Variants in TENM2 observed in about 807,000 individuals in gnomAD.
TENM2 encodes teneurin transmembrane protein 2, also known as teneurin-2.
In TENM2, 52 loss-of-function variants were observed where a neutral mutation model predicts 245.2. The ratio of observed to expected loss-of-function variants is 0.21; its 90% CI spans 0.17 to 0.27. The LOEUF (loss-of-function observed/expected upper bound fraction) is 0.27. Ranked by LOEUF, TENM2 falls within the 10% of genes least tolerant of loss-of-function variation. TENM2 has a pLI of 1.00. For missense variants in TENM2, 3,046 were observed against 3,666.8 expected (o/e 0.83, Z 4.37); for synonymous variants, 1,363 against 1,438.9 (o/e 0.95, Z 1.19).
At chr5:167,199,097 TAA>T in the TENM2 span, among the ~76,000 whole-genome samples, 36 of 79,310 alleles carry the variant, frequency 4.5e-4, no homozygotes, top group East Asian at 1.1e-3. Context: ...TGATATGAAG[TAA>T]AAAAAAAAAA....
chr5:167,066,093 A>G, the TENM2 span, among the ~76,000 whole-genome samples: 1 of 152,186 alleles, frequency 6.6e-6, no homozygotes, highest in Non-Finnish European at 1.5e-5. Context: ...AGTGCGGGAA[A>G]GAATTCATTT....
At chr5:168,214,989 G>T in intron 20 of TENM2, 51 bp from the exon 23 acceptor site, 5 of 1,519,794 alleles carry the variant, frequency 3.3e-6, no homozygotes, top group Non-Finnish European at 4.6e-6. Context: ...GATCTAGGAG[G>T]CCAGCTCCAT....
intron 9 of TENM2, among the ~76,000 whole-genome samples, chr5:168,111,409 G>C (rs1335051003): frequency 6.6e-6 from 1 of 152,136 alleles, no homozygotes; most frequent in Non-Finnish European, 1.5e-5. Context: ...TAAAGCGTCT[G>C]AGTACTCTGG....
At chr5:167,054,496 T>C in the TENM2 span, among the ~76,000 whole-genome samples, 25 of 152,282 alleles carry the variant, frequency 1.6e-4, no homozygotes, top group African/African-American at 5.5e-4. Flanking sequence ...TAAACATCTG[T>C]GTGCAGATTT....
the TENM2 span, among the ~76,000 whole-genome samples, chr5:167,126,508 G>A: frequency 6.6e-6 from 1 of 152,112 alleles, no homozygotes; most frequent in Non-Finnish European, 1.5e-5. Context: ...CACATGGCAT[G>A]TATTTCCCCG....
chr5:167,859,700 T>A (rs1296095306), intron 2 of TENM2, among the ~76,000 whole-genome samples: 1 of 75,560 alleles, frequency 1.3e-5, no homozygotes, highest in Non-Finnish European at 2.5e-5. Context: ...GGAGCCCCTC[T>A]GCCCGGCCAG....
At chr5:168,117,950 A>G (rs1228681920) in intron 9 of TENM2, among the ~76,000 whole-genome samples, 1 of 152,166 alleles carries the variant, frequency 6.6e-6, no homozygotes, top group Non-Finnish European at 1.5e-5. Flanking sequence ...GTGACTGGAC[A>G]CGTCACTTCC....
At chr5:167,824,848 AC>A (rs1267505818) in intron 2 of TENM2, among the ~76,000 whole-genome samples, 1 of 152,202 alleles carries the variant, frequency 6.6e-6, no homozygotes, top group Non-Finnish European at 1.5e-5. Flanking sequence ...AATGCTGGCT[AC>A]CCCTGTGTGA....
At chr5:167,523,412 AT>A (rs1473509344) in intron 2 of TENM2, among the ~76,000 whole-genome samples, 2 of 152,240 alleles carry the variant, frequency 1.3e-5, no homozygotes, top group East Asian at 3.9e-4. Context: ...GGATCTTCCC[AT>A]TTTAAAGCAA....
At chr5:167,968,190 G>A (rs1781518454) in intron 4 of TENM2, among the ~76,000 whole-genome samples, 1 of 152,086 alleles carries the variant, frequency 6.6e-6, no homozygotes, top group Admixed American at 6.5e-5. Context: ...TCCTACATTA[G>A]GTTTTTTTCT....
At chr5:167,475,686 C>A (rs1230796095) in intron 2 of TENM2, among the ~76,000 whole-genome samples, 2 of 151,548 alleles carry the variant, frequency 1.3e-5, no homozygotes, top group African/African-American at 4.8e-5. Flanking sequence ...GTGTGATGTT[C>A]CCCTCCCTGT....
intron 6 of TENM2, among the ~76,000 whole-genome samples, chr5:168,053,241 C>CT (rs1253822544): frequency 1.6e-4 from 24 of 152,314 alleles, no homozygotes; most frequent in African/African-American, 5.5e-4. Context: ...CAGATGGGTA[C>CT]TACTTACATG....
chr5:167,038,654 A>T, the TENM2 span, among the ~76,000 whole-genome samples: 1 of 152,188 alleles, frequency 6.6e-6, no homozygotes, highest in African/African-American at 2.4e-5. Context: ...AGCCATCCCC[A>T]CAAGAACGGT....
At chr5:167,220,510 G>T in the TENM2 span, among the ~76,000 whole-genome samples, 2 of 152,126 alleles carry the variant, frequency 1.3e-5, no homozygotes, top group African/African-American at 4.8e-5. Flanking sequence ...AAACCTATTA[G>T]ATTATTAGAT....
rs745719431 is a variant in TENM2 at position 168,008,589 on chromosome 5, C to G, written c.1186+15407C>G. ...AATCAGTGGGTGTGTGTTGGTGAGG[C>G]CCTGATGAAAGGGGAAGCCATGGAA... On this transcript the variant is annotated intron_variant, in intron 5 of 28. Transcript: ENST00000518659. Among the ~76,000 whole-genome samples the G allele has an allele frequency of 3.7e-4, 57 of 152,026 alleles. 1 individual carries two copies. The highest frequency in any genetic ancestry group is 6.5e-4 in the Admixed American group (10 of 15,276).
chr5:167,413,089 G>A (rs899973577), intron 2 of TENM2, among the ~76,000 whole-genome samples: 13 of 151,782 alleles, frequency 8.6e-5, no homozygotes, highest in Admixed American at 3.9e-4. Flanking sequence ...GTCTAATTTC[G>A]CACTATTTTT....
chr5:167,844,623 C>G (rs1769858504), intron 2 of TENM2, among the ~76,000 whole-genome samples: 1 of 152,124 alleles, frequency 6.6e-6, no homozygotes, highest in South Asian at 2.1e-4. Context: ...AGTGGTGCAC[C>G]TGCTATAAGA....
At chr5:167,546,803 A>C (rs1366925926) in intron 2 of TENM2, among the ~76,000 whole-genome samples, 3 of 152,106 alleles carry the variant, frequency 2.0e-5, no homozygotes, top group Admixed American at 6.5e-5. Context: ...AGACTAAACT[A>C]ACCTCTCGGT....
At chr5:168,096,343 A>T (rs1190098752) in intron 8 of TENM2, among the ~76,000 whole-genome samples, 1 of 152,174 alleles carries the variant, frequency 6.6e-6, no homozygotes, top group African/African-American at 2.4e-5. Flanking sequence ...TAAATGAATA[A>T]ATGAAACAAA....
Sources: gnomAD v4.1 joint callset for allele counts (sites outside exome capture counted in the v4.1 genomes callset) on GRCh38, gnomAD v4.1.1 for gene constraint, MANE v1.5 for transcripts, NCBI Gene and HGNC (gene_info 2026-07-23, HGNC 2026-07-21) for gene names.